The following C1orf216 variants were observed in gnomAD, a reference collection of about 807,000 sequenced individuals.
C1orf216 encodes the protein UPF0500 protein C1orf216.
C1orf216 carries 18 observed loss-of-function variants against 16.4 expected under a neutral mutation model. The ratio of observed to expected loss-of-function variants is 1.10; its 90% CI spans 0.76 to 1.63. The LOEUF (loss-of-function observed/expected upper bound fraction) is 1.63. C1orf216 is among the 40% of genes most tolerant of loss of function. The pLI is 0.00. For synonymous variants in C1orf216, 115 were observed against 116.9 expected, an observed-to-expected ratio of 0.98 and a Z score of 0.11; for missense variants, 271 against 297.6, an observed-to-expected ratio of 0.91 and a Z score of 0.66.
At position 35,716,138 on chromosome 1, in the gene C1orf216, A is replaced by G. The variant is rs1437955920; in HGVS notation, c.184T>C (p.Ser62Pro). The G allele has an allele frequency of 1.9e-6, 3 of 1,614,102 alleles. No individual in the cohort carries two copies. The highest frequency in any genetic ancestry group is 1.3e-5 in the African/African-American group (1 of 74,954). Residue 62 changes from serine (S) to proline (P), a missense_variant, in exon 2 of 2, where the codon TCT (serine) becomes CCT (proline). By Grantham distance (74) the Ser-to-Pro change is moderately conservative. This residue lies in a region of C1orf216 where 220 missense variants were observed against 227.8 expected (regional missense o/e 0.97). Transcript: ENST00000270815. Reference protein sequence around the residue: ...RVEPILRRSSSESPSDNQAFQ... With the variant: ...RVEPILRRSSPESPSDNQAFQ... ...GCTTGGTTGTCAGAGGGTGACTCAG[A>G]GGAGCTCCTCCTCAGGATAGGTTCC...
rs770809380 is a variant in C1orf216, at chr1:35,715,794, AC to A, written c.527del (p.Arg176LeufsTer16). On this transcript the variant is annotated frameshift_variant, in exon 2 of 2. Transcript: ENST00000270815. LOFTEE classifies it high-confidence loss of function. This position sits in a 1 kb window ranked among gnomAD's most constrained non-coding sequence, Gnocchi z 4.3. Reference protein sequence around the residue: ...EKHHVHLVMYRRLALLQWIRG... With the variant: ...EKHHVHLVMYXRLALLQWIRG... ...GGATCCACTGGAGCAGTGCCAGGCG[AC>A]GGTACATCACCAAGTGCACGTGGTG... 1.2e-6 allele frequency: 2 copies of A among 1,614,230 alleles called. No individual in the cohort carries two copies. The highest frequency in any genetic ancestry group is 3.3e-5 in the Admixed American group (2 of 60,034).
At chr1:35,716,905 G>A (rs1436392236) in intron 1 of C1orf216, 2 of 153,438 alleles carry the variant, frequency 1.3e-5, no homozygotes, top group Non-Finnish European at 2.9e-5. Flanking sequence ...GCTGAGGCAG[G>A]GGAATCACTT....
chr1:35,716,370 G>A (rs751139635), intron 1 of C1orf216, 44 bp from the exon 2 acceptor site: 2 of 1,522,216 alleles, frequency 1.3e-6, no homozygotes, highest in African/African-American at 2.8e-5. Context: ...AGGACAGGGT[G>A]GGGTGCCTGA....
chr1:35,716,480 G>T (rs1640959439), intron 1 of C1orf216, 154 bp from the exon 2 acceptor site: 1 of 664,434 alleles, frequency 1.5e-6, no homozygotes, highest in Non-Finnish European at 2.5e-6. Context: ...TCCCTTCGTG[G>T]TTTTCGTCCT....
At position 35,716,492 on chromosome 1, in the gene C1orf216, C is replaced by G. The variant is rs574910177; in HGVS notation, c.-5-166G>C. 3.7e-5 allele frequency: 23 copies of G among 622,378 alleles called. 1 individual carries two copies. The highest frequency in any genetic ancestry group is 2.2e-4 in the East Asian group (8 of 36,070). The allele number at this position is 622,378 out of a possible 1,614,324, so 38.6% of individuals were successfully genotyped here. A position where few individuals can be genotyped will look rare whatever the true frequency, so the allele number is the denominator to read the frequency against. On this transcript the variant is annotated intron_variant, in intron 1 of 1. Transcript: ENST00000270815. ...ACTTCCCTTCGTGGTTTTCGTCCTCCCTGTCTACCTGTTCATTCTCAGTCT... is the reference window on the plus strand; with the variant it reads ...ACTTCCCTTCGTGGTTTTCGTCCTCGCTGTCTACCTGTTCATTCTCAGTCT...
chr1:35,716,362 G>C (rs1184119748), intron 1 of C1orf216, 36 bp from the exon 2 acceptor site: 1 of 1,547,328 alleles, frequency 6.5e-7, no homozygotes, highest in East Asian at 2.3e-5. Flanking sequence ...GTCACAGTAG[G>C]ACAGGGTGGG....
chr1:35,715,437 A>G lies in C1orf216; in HGVS notation c.*195T>C, dbSNP rs957197864. ...CTGCAGATAAATTAGCTGTGTGTAC[A>G]CATGTGCACACAGCACACTTAAGCT... On this transcript the variant is annotated 3_prime_UTR_variant, in exon 2 of 2. Coordinates refer to ENST00000270815, the MANE Select transcript of C1orf216 (RefSeq NM_152374.2). The surrounding 1 kb of genome is among the most constrained non-coding windows in gnomAD (Gnocchi z 4.3). The G allele has an allele frequency of 3.2e-6, 2 of 624,270 alleles. No homozygotes were observed. Among genetic ancestry groups the G allele is most frequent in the African/African-American group, 3.7e-5 (2 of 54,328 alleles). 38.7% of individuals were successfully genotyped at this position (624,270 alleles called of 1,614,324 possible).
In C1orf216 at chr1:35,714,760, ATCT is replaced by A. The variant is rs1374068884; in HGVS notation, c.*869_*871del. 2 of 152,474 alleles carry A rather than the reference ATCT, an allele frequency of 1.3e-5. No homozygotes were observed. The highest frequency in any genetic ancestry group is 6.6e-5 in the Admixed American group (1 of 15,262). 9.4% of individuals were successfully genotyped at this position (152,474 alleles called of 1,614,324 possible). On this transcript the variant is annotated 3_prime_UTR_variant, in exon 2 of 2. Transcript: ENST00000270815. Reference sequence around the variant, plus strand: ...GTCCTCTGTCCCCATCCCCACCATCATCTTCATCACTACTCCTGGTTCCCTTTC... The same window carrying A: ...GTCCTCTGTCCCCATCCCCACCATCATCATCACTACTCCTGGTTCCCTTTC...
chr1:35,718,410 T>G (rs947376745), intron 1 of C1orf216, among the ~76,000 whole-genome samples: 5 of 152,072 alleles, frequency 3.3e-5, no homozygotes, highest in African/African-American at 1.2e-4. Flanking sequence ...CTCGCCCCAA[T>G]TTTTTATTTT....
chr1:35,717,986 G>A (rs916319213), intron 1 of C1orf216, among the ~76,000 whole-genome samples: 1 of 151,992 alleles, frequency 6.6e-6, no homozygotes, highest in African/African-American at 2.4e-5. Context: ...AGGGAGCCCC[G>A]CCTTCCCCAG....
Position 35,715,608 on chromosome 1 carries a change from T to C in C1orf216, c.*24A>G. On this transcript the variant is annotated 3_prime_UTR_variant, in exon 2 of 2. Transcript: ENST00000270815. The surrounding 1 kb of genome is among the most constrained non-coding windows in gnomAD (Gnocchi z 4.3). The stretch of plus-strand genomic sequence containing the variant: ...TGCCTGCAAATATATACATATACCC[T>C]TGCACACTTGTGGAGGCACACCCTT... 6.3e-7 allele frequency: 1 copy of C among 1,590,288 alleles called. No homozygotes were observed. Among genetic ancestry groups the C allele is most frequent in the Non-Finnish European group, 8.6e-7 (1 of 1,167,178 alleles).
chr1:35,715,415 C>A lies in C1orf216; in HGVS notation c.*217G>T, dbSNP rs914147054. Reference sequence around the variant, plus strand: ...TCTTACATGCTCACATATAGGTCTGCAGATAAATTAGCTGTGTGTACACAT... The same window carrying A: ...TCTTACATGCTCACATATAGGTCTGAAGATAAATTAGCTGTGTGTACACAT... On this transcript the variant is annotated 3_prime_UTR_variant, in exon 2 of 2. Coordinates refer to ENST00000270815, the MANE Select transcript of C1orf216 (RefSeq NM_152374.2). This position sits in a 1 kb window ranked among gnomAD's most constrained non-coding sequence, Gnocchi z 4.3. 1.5e-5 allele frequency: 9 copies of A among 591,222 alleles called. No individual in the cohort carries two copies. The Admixed American group carries it at 1.9e-4, about 13-fold the overall frequency. 36.6% of individuals were successfully genotyped at this position (591,222 alleles called of 1,614,324 possible). A position where few individuals can be genotyped will look rare whatever the true frequency, so the allele number is the denominator to read the frequency against.
At chr1:35,716,575 T>G (rs1640960900) in intron 1 of C1orf216, 2 of 532,642 alleles carry the variant, frequency 3.8e-6, no homozygotes, top group South Asian at 2.3e-5. Context: ...TTTTGTGCAT[T>G]TCTCTCCAGA....
chr1:35,715,517 C>T lies in C1orf216; in HGVS notation c.*115G>A. Reference sequence around the variant, plus strand: ...ACACACACCAGCCTACATGTTAGCACATACACACTCATGCCTACCTGCAAT... The same window carrying T: ...ACACACACCAGCCTACATGTTAGCATATACACACTCATGCCTACCTGCAAT... On this transcript the variant is annotated 3_prime_UTR_variant, in exon 2 of 2. Coordinates refer to ENST00000270815, the MANE Select transcript of C1orf216 (RefSeq NM_152374.2). This position sits in a 1 kb window ranked among gnomAD's most constrained non-coding sequence, Gnocchi z 4.3. The T allele has an allele frequency of 1.7e-6, 2 of 1,177,604 alleles. No homozygotes were observed. The highest frequency in any genetic ancestry group is 2.5e-5 in the East Asian group (1 of 39,222). The allele number at this position is 1,177,604 out of a possible 1,614,324, so 72.9% of individuals were successfully genotyped here. A position where few individuals can be genotyped will look rare whatever the true frequency, so the allele number is the denominator to read the frequency against.
chr1:35,716,031 C>T lies in C1orf216; in HGVS notation c.291G>A (p.Lys97=), dbSNP rs751599043. ...GAEIPGAEPE[K]MGGAGTVCSP... is the part of the protein sequence containing the mutation. ...AGCAGACTGTGCCAGCACCACCCAT[C>T]TTCTCAGGCTCAGCCCCGGGAATCT... is the stretch of plus-strand genomic sequence containing the variant. The change falls in exon 2 of 2, where the codon AAG becomes AAA. Residue 97 remains lysine (K), a synonymous_variant. Coordinates refer to ENST00000270815, the MANE Select transcript of C1orf216 (RefSeq NM_152374.2). 3.1e-6 allele frequency: 5 copies of T among 1,614,008 alleles called. No homozygotes were observed. Among genetic ancestry groups the T allele is most frequent in the Non-Finnish European group, 4.2e-6 (5 of 1,180,048 alleles).
chr1:35,718,060 C>T (rs539785476), intron 1 of C1orf216, among the ~76,000 whole-genome samples: 1 of 152,294 alleles, frequency 6.6e-6, no homozygotes, highest in East Asian at 1.9e-4. Flanking sequence ...CAGCCACTAT[C>T]TTGCGGTCCC....
Position 35,715,519 on chromosome 1 carries a change from TAC to T in C1orf216, c.*111_*112del. On this transcript the variant is annotated 3_prime_UTR_variant, in exon 2 of 2. Transcript: ENST00000270815. The surrounding 1 kb of genome is among the most constrained non-coding windows in gnomAD (Gnocchi z 4.3). ...ACACACCAGCCTACATGTTAGCACA[TAC>T]ACACTCATGCCTACCTGCAATCATG... is the stretch of plus-strand genomic sequence containing the variant. 8.3e-7 allele frequency: 1 copy of T among 1,207,090 alleles called. No homozygotes were observed. The highest frequency in any genetic ancestry group is 2.5e-5 in the East Asian group (1 of 39,416). 74.8% of individuals were successfully genotyped at this position (1,207,090 alleles called of 1,614,324 possible). A position where few individuals can be genotyped will look rare whatever the true frequency, so the allele number is the denominator to read the frequency against.
chr1:35,716,098 C>T lies in C1orf216; in HGVS notation c.224G>A (p.Gly75Glu). The change falls in exon 2 of 2, where the codon GGA becomes GAA. Residue 75 changes from glycine (G) to glutamate (E), a missense_variant. Physicochemically the swap from Gly to Glu is moderately conservative, Grantham distance 98 (BLOSUM62 -2). Transcript: ENST00000270815. ...PSDNQAFQAP[G>E]SPEEGVRSPP... is the part of the protein sequence containing the mutation. ...GCTGCGCACCCCTTCCTCAGGGGAT[C>T]CAGGGGCCTGGAAGGCTTGGTTGTC... is the stretch of plus-strand genomic sequence containing the variant. 1 of 1,614,182 alleles carries T rather than the reference C, an allele frequency of 6.2e-7. No homozygotes were observed. The highest frequency in any genetic ancestry group is 8.5e-7 in the Non-Finnish European group (1 of 1,180,020).
chr1:35,715,440 T>C lies in C1orf216; in HGVS notation c.*192A>G. ...CAGATAAATTAGCTGTGTGTACACA[T>C]GTGCACACAGCACACTTAAGCTCAT... On this transcript the variant is annotated 3_prime_UTR_variant, in exon 2 of 2. Transcript: ENST00000270815. This position sits in a 1 kb window ranked among gnomAD's most constrained non-coding sequence, Gnocchi z 4.3. The C allele has an allele frequency of 1.6e-6, 1 of 636,388 alleles. No individual in the cohort carries two copies. The highest frequency in any genetic ancestry group is 2.7e-6 in the Non-Finnish European group (1 of 370,498). 39.4% of individuals were successfully genotyped at this position (636,388 alleles called of 1,614,324 possible).
Sources: gnomAD v4.1 joint callset for allele counts (sites outside exome capture counted in the v4.1 genomes callset) on GRCh38, gnomAD v4.1.1 for gene constraint, gnomAD v4.1.1 regional missense constraint, Gnocchi (gnomAD v3.1) non-coding constraint, MANE v1.5 for transcripts, NCBI Gene and HGNC (gene_info 2026-07-23, HGNC 2026-07-21) for gene names.